The following APLP2 variants were observed in gnomAD, a reference collection of about 807,000 sequenced individuals.
APLP2 encodes the protein amyloid beta precursor like protein 2, also known as CDEI box-binding protein.
APLP2 carries 53 observed loss-of-function variants against 89.9 expected under a neutral mutation model. The observed-to-expected ratio is 0.59, with a 90% CI of 0.47 to 0.74. The LOEUF is 0.74. APLP2 is among the 30% of genes least tolerant of loss of function. The pLI, the probability that APLP2 is intolerant of heterozygous loss-of-function variation, is 0.00. For missense variants in APLP2, 973 were observed against 975.9 expected (o/e 1.00, Z 0.04); for synonymous variants, 372 against 348.6 (o/e 1.07, Z -0.75).
At chr11:130,074,207 G>A (rs1350581940) in intron 1 of APLP2, among the ~76,000 whole-genome samples, 2 of 152,066 alleles carry the variant, frequency 1.3e-5, no homozygotes, top group Non-Finnish European at 2.9e-5. Context: ...TTTTGTTGTT[G>A]TTGTTGTTGT....
Position 130,123,928 on chromosome 11 carries a change from A to C in APLP2, c.1090+149A>C, listed in dbSNP as rs78611322. ...TCTTCCCCTCATCTTTGTGCTTTCT[A>C]GATCTAGGCTTTGCTCTCCTGCCGG... On this transcript the variant is annotated intron_variant, in intron 7 of 16. Coordinates refer to ENST00000338167, the MANE Select transcript of APLP2 (RefSeq NM_001142276.2). This position sits in a 1 kb window ranked among gnomAD's most constrained non-coding sequence, Gnocchi z 4.0. 2.3e-6 allele frequency: 2 copies of C among 862,146 alleles called. No individual in the cohort carries two copies. Among genetic ancestry groups the C allele is most frequent in the African/African-American group, 1.7e-5 (1 of 59,134 alleles). 53.4% of individuals were successfully genotyped at this position (862,146 alleles called of 1,614,324 possible).
intron 5 of APLP2, 108 bp from the exon 6 acceptor site, chr11:130,122,197 G>C: frequency 7.6e-7 from 1 of 1,323,654 alleles, no homozygotes; most frequent in Non-Finnish European, 1.1e-6. Flanking sequence ...TGTGCGTTGA[G>C]CTTATTTCCT....
intron 4 of APLP2, among the ~76,000 whole-genome samples, chr11:130,121,050 G>T (rs933893403): frequency 1.2e-4 from 18 of 152,216 alleles, no homozygotes; most frequent in African/African-American, 3.9e-4. Flanking sequence ...TGTTAAGGAG[G>T]TGGCTGAGCG....
At chr11:130,111,301 T>C (rs1284464950) in intron 3 of APLP2, among the ~76,000 whole-genome samples, 1 of 152,190 alleles carries the variant, frequency 6.6e-6, no homozygotes, top group Non-Finnish European at 1.5e-5. Context: ...TTTAACTATT[T>C]GTGCCTGATA....
chr11:130,094,482 C>T (rs930504431), intron 1 of APLP2, among the ~76,000 whole-genome samples: 2 of 152,178 alleles, frequency 1.3e-5, no homozygotes, highest in African/African-American at 4.8e-5. Flanking sequence ...AGCCACCGCA[C>T]CTGGCCGGGA....
intron 1 of APLP2, among the ~76,000 whole-genome samples, chr11:130,101,737 T>G (rs1258521634): frequency 6.6e-6 from 1 of 152,228 alleles, no homozygotes; most frequent in East Asian, 1.9e-4. Flanking sequence ...CCTGTTTCCC[T>G]TAATGTTGAC....
chr11:130,083,942 G>T (rs189091125), intron 1 of APLP2, among the ~76,000 whole-genome samples: 2 of 152,102 alleles, frequency 1.3e-5, no homozygotes, highest in East Asian at 3.9e-4. Context: ...TTCACCAGCG[G>T]CATACAGGAG....
chr11:130,127,924 T>A, intron 9 of APLP2, 84 bp downstream of exon 9: 5 of 1,168,046 alleles, frequency 4.3e-6, no homozygotes, highest in Non-Finnish European at 6.2e-6. Context: ...GAAATTAGGA[T>A]TGGACACCAC....
At chr11:130,090,805 G>C (rs1430587692) in intron 1 of APLP2, among the ~76,000 whole-genome samples, 3 of 152,012 alleles carry the variant, frequency 2.0e-5, no homozygotes, top group Non-Finnish European at 4.4e-5. Context: ...GGTGGTGGCC[G>C]GGCAGAGGGG....
intron 1 of APLP2, among the ~76,000 whole-genome samples, chr11:130,095,525 T>C (rs1946078740): frequency 6.6e-6 from 1 of 152,136 alleles, no homozygotes; most frequent in South Asian, 2.1e-4. Flanking sequence ...TGTAGAAATG[T>C]GGAGATAAAG....
intron 1 of APLP2, among the ~76,000 whole-genome samples, chr11:130,107,678 T>C (rs1947960532): frequency 6.6e-6 from 1 of 152,216 alleles, no homozygotes; most frequent in African/African-American, 2.4e-5. Flanking sequence ...CCCATCAAGC[T>C]ACCAATGACT....
rs909006885 is a variant in APLP2 at position 130,137,232 on chromosome 11, T to G, written c.1837+1517T>G. On this transcript the variant is annotated intron_variant, in intron 13 of 16. Coordinates refer to ENST00000338167, the MANE Select transcript of APLP2 (RefSeq NM_001142276.2). Reference sequence around the variant, plus strand: ...TCCTTTTGTGCTATTTTATTTTGTTTTTTATTGTTTTCCTTTCTGCTAGAC... The same window carrying G: ...TCCTTTTGTGCTATTTTATTTTGTTGTTTATTGTTTTCCTTTCTGCTAGAC... The G allele has an allele frequency of 1.9e-6, 3 of 1,612,438 alleles. No individual in the cohort carries two copies. The African/African-American group carries it at 4.0e-5, about 22-fold the overall frequency.
In APLP2 at chr11:130,143,452, G is replaced by C; in HGVS notation, c.*4G>C. On this transcript the variant is annotated 3_prime_UTR_variant, in exon 17 of 17. Transcript: ENST00000338167. ...CCTGGAGCAGATGCAGATTTAGGTG[G>C]CAGGGAGCGCGGCAGCCCTGGCGGA... 6.2e-7 allele frequency: 1 copy of C among 1,611,716 alleles called. No homozygotes were observed. The highest frequency in any genetic ancestry group is 2.2e-5 in the East Asian group (1 of 44,860).
intron 3 of APLP2, among the ~76,000 whole-genome samples, chr11:130,112,213 G>A (rs1366402199): frequency 2.0e-5 from 3 of 152,234 alleles, no homozygotes; most frequent in African/African-American, 7.2e-5. Flanking sequence ...AATGACATCT[G>A]TCAGGCATTC....
rs537248071 is a variant in APLP2 at position 130,121,658 on chromosome 11, G to A, written c.561G>A (p.Leu187=). The A allele has an allele frequency of 2.2e-5, 35 of 1,614,108 alleles. No homozygotes were observed. The South Asian group carries it at 3.6e-4, about 17-fold the overall frequency. ...TGACCTTATATAGCTACGGCATGCTGCTCCCATGTGGGGTAGACCAGTTCC... is the reference window on the plus strand; with the variant it reads ...TGACCTTATATAGCTACGGCATGCTACTCCCATGTGGGGTAGACCAGTTCC... ...QGMTLYSYGM[L]LPCGVDQFHG... is the part of the protein sequence containing the mutation. The change falls in exon 5 of 17, where the codon CTG becomes CTA. Residue 187 remains leucine, a synonymous_variant. Transcript: ENST00000338167.
chr11:130,140,556 A>G (rs1176018026), intron 14 of APLP2, 73 bp downstream of exon 14: 6 of 1,290,478 alleles, frequency 4.6e-6, no homozygotes, highest in Non-Finnish European at 6.4e-6. Context: ...CTGATGTCAG[A>G]TGCTTCCAGG....
chr11:130,096,028 G>A (rs1199694132), intron 1 of APLP2, among the ~76,000 whole-genome samples: 1 of 152,228 alleles, frequency 6.6e-6, no homozygotes, highest in African/African-American at 2.4e-5. Flanking sequence ...GCTTGAGAGA[G>A]ATAAAACCTG....
At chr11:130,119,191 C>G (rs1002734379) in intron 3 of APLP2, among the ~76,000 whole-genome samples, 2 of 152,204 alleles carry the variant, frequency 1.3e-5, no homozygotes, top group Admixed American at 1.3e-4. Flanking sequence ...GTTTTCCCCC[C>G]TTAACCTCAG....
chr11:130,125,381 G>A (rs1035985861), intron 7 of APLP2, among the ~76,000 whole-genome samples: 3 of 152,064 alleles, frequency 2.0e-5, no homozygotes, highest in African/African-American at 4.8e-5. Flanking sequence ...TCACTGATCC[G>A]CATGATGGAC....
Sources: gnomAD v4.1 joint callset for allele counts (sites outside exome capture counted in the v4.1 genomes callset) on GRCh38, gnomAD v4.1.1 for gene constraint, Gnocchi (gnomAD v3.1) non-coding constraint, MANE v1.5 for transcripts, NCBI Gene and HGNC (gene_info 2026-07-23, HGNC 2026-07-21) for gene names.